STXBP5L: variants seen among roughly 807,000 people sequenced by gnomAD.
The protein encoded by STXBP5L is syntaxin-binding protein 5-like.
A neutral mutation model predicts 144.5 loss-of-function variants in STXBP5L; 65 were observed. That is an observed-to-expected ratio of 0.45 (90% CI 0.37 to 0.55). STXBP5L has a LOEUF of 0.55. Among genes scored for constraint, STXBP5L ranks in the 20% least tolerant of loss-of-function variants. The probability of loss-of-function intolerance (pLI) is 0.00; values close to 1 mark genes in which losing one functional copy is unlikely to be tolerated. For synonymous variants in STXBP5L, 505 were observed against 469.6 expected (o/e 1.08, Z -0.97); for missense variants, 1,298 against 1,405.5 (o/e 0.92, Z 1.22).
rs1457768072 is a variant in STXBP5L, at chr3:121,418,578, C to G, written c.3447+21C>G. ...ATGAGGTAAACTGCCTAAGTAAATA[C>G]AGACATCTTCATACAGGAGTAACTT... is the stretch of plus-strand genomic sequence containing the variant. On this transcript the variant is annotated intron_variant, in intron 26 of 26. Coordinates refer to ENST00000471454, the MANE Select transcript of STXBP5L (RefSeq NM_001308330.2). The G allele has an allele frequency of 3.7e-6, 6 of 1,608,630 alleles. No homozygotes were observed. The African/African-American group carries it at 6.7e-5, about 18-fold the overall frequency.
intron 3 of STXBP5L, among the ~76,000 whole-genome samples, chr3:120,963,968 C>T (rs1478291882): frequency 1.3e-5 from 2 of 152,094 alleles, no homozygotes; most frequent in African/African-American, 4.8e-5. Context: ...TTGGTCTATT[C>T]AGAGATTCGA....
chr3:121,233,707 G>T lies in STXBP5L; in HGVS notation c.1184+19G>T. On this transcript the variant is annotated intron_variant, in intron 12 of 26. Transcript: ENST00000471454. ...AAAGCAAGTAAGTTATCCATGTACA[G>T]ATTAACACTTTTAAACTCTATTTAT... 1 of 1,565,050 alleles carries T rather than the reference G, an allele frequency of 6.4e-7. No individual in the cohort carries two copies. Among genetic ancestry groups the T allele is most frequent in the Middle Eastern group, 1.7e-4 (1 of 5,902 alleles).
intron 3 of STXBP5L, 61 bp downstream of exon 3, chr3:120,955,098 T>G: frequency 8.4e-7 from 1 of 1,191,666 alleles, no homozygotes; most frequent in African/African-American, 1.5e-5. Flanking sequence ...TCTTTAAATA[T>G]TCAGGTAAGA....
intron 19 of STXBP5L, among the ~76,000 whole-genome samples, chr3:121,316,960 G>A (rs529032660): frequency 2.0e-5 from 3 of 152,244 alleles, no homozygotes; most frequent in African/African-American, 7.2e-5. Flanking sequence ...GTTCAAGTCA[G>A]TACACTTTCA....
At chr3:121,338,006 A>G (rs2044567439) in intron 20 of STXBP5L, among the ~76,000 whole-genome samples, 1 of 152,160 alleles carries the variant, frequency 6.6e-6, no homozygotes, top group African/African-American at 2.4e-5. Context: ...TTTAAAGTGA[A>G]TGATAATAGT....
intron 9 of STXBP5L, among the ~76,000 whole-genome samples, chr3:121,183,739 A>AGGT (rs1382122886): frequency 6.6e-6 from 1 of 152,100 alleles, no homozygotes; most frequent in African/African-American, 2.4e-5. Flanking sequence ...CTCCTCAAGT[A>AGGT]GGTCCCTGAC....
At chr3:121,095,447 A>T (rs906943066) in intron 5 of STXBP5L, among the ~76,000 whole-genome samples, 1 of 152,084 alleles carries the variant, frequency 6.6e-6, no homozygotes, top group Non-Finnish European at 1.5e-5. Flanking sequence ...TTTGATCTTT[A>T]AACATAGTCC....
At chr3:120,960,469 T>C (rs1042381279) in intron 3 of STXBP5L, among the ~76,000 whole-genome samples, 1 of 152,212 alleles carries the variant, frequency 6.6e-6, no homozygotes, top group Non-Finnish European at 1.5e-5. Flanking sequence ...CGTATGTTTA[T>C]TGTGGCACTA....
chr3:121,171,385 G>C (rs1221866427), intron 9 of STXBP5L, among the ~76,000 whole-genome samples: 2 of 152,068 alleles, frequency 1.3e-5, no homozygotes, highest in Admixed American at 6.6e-5. Flanking sequence ...AGAAATAAAG[G>C]GTATTCAAAT....
chr3:121,171,680 C>T (rs540251745), intron 9 of STXBP5L, among the ~76,000 whole-genome samples: 1 of 152,170 alleles, frequency 6.6e-6, no homozygotes, highest in African/African-American at 2.4e-5. Context: ...CTACAAACCA[C>T]TGCTCAAGGA....
chr3:121,350,877 T>A (rs2045252558), intron 20 of STXBP5L, among the ~76,000 whole-genome samples: 1 of 152,054 alleles, frequency 6.6e-6, no homozygotes, highest in South Asian at 2.1e-4. Flanking sequence ...TTTTTCAAGG[T>A]TTTTAACTTC....
intron 20 of STXBP5L, among the ~76,000 whole-genome samples, chr3:121,342,715 A>G (rs1028168697): frequency 8.0e-5 from 12 of 149,992 alleles, no homozygotes; most frequent in African/African-American, 2.7e-4. Context: ...CATGTTGTAT[A>G]TGTGCCACAT....
At chr3:121,363,331 G>A (rs1031400810) in intron 20 of STXBP5L, among the ~76,000 whole-genome samples, 1 of 152,256 alleles carries the variant, frequency 6.6e-6, no homozygotes, top group East Asian at 1.9e-4. Flanking sequence ...TCACCTAAGA[G>A]TTGTAGTCCT....
chr3:120,919,550 T>G (rs1709264123), intron 2 of STXBP5L, among the ~76,000 whole-genome samples: 1 of 151,994 alleles, frequency 6.6e-6, no homozygotes, highest in African/African-American at 2.4e-5. Context: ...TATGGTAGTT[T>G]ATTGTTGGCT....
At chr3:120,938,442 A>G (rs906950556) in intron 2 of STXBP5L, among the ~76,000 whole-genome samples, 2 of 152,216 alleles carry the variant, frequency 1.3e-5, no homozygotes, top group East Asian at 3.8e-4. Flanking sequence ...GAGCAACTTC[A>G]CAGCTAGAAA....
chr3:121,095,906 TC>T (rs1447222938), intron 5 of STXBP5L, among the ~76,000 whole-genome samples: 1 of 152,146 alleles, frequency 6.6e-6, no homozygotes, highest in African/African-American at 2.4e-5. Flanking sequence ...TTTTTCCCCA[TC>T]TTTGTGATTT....
chr3:121,030,059 A>G (rs554228116), intron 3 of STXBP5L, among the ~76,000 whole-genome samples: 2 of 152,312 alleles, frequency 1.3e-5, no homozygotes, highest in South Asian at 4.1e-4. Flanking sequence ...GAGAAATAGG[A>G]ACACTTTTAC....
intron 3 of STXBP5L, among the ~76,000 whole-genome samples, chr3:121,009,109 C>T (rs1944578371): frequency 1.3e-5 from 2 of 151,930 alleles, no homozygotes; most frequent in Non-Finnish European, 2.9e-5. Context: ...GCCACCTGGT[C>T]ACTCTGTTCC....
chr3:121,007,176 A>G (rs918426201), intron 3 of STXBP5L, among the ~76,000 whole-genome samples: 1 of 152,082 alleles, frequency 6.6e-6, no homozygotes, highest in Non-Finnish European at 1.5e-5. Context: ...TTCTACTTGT[A>G]TGTTAAACTA....
Sources: allele counts gnomAD v4.1 joint callset (sites outside exome capture counted in the v4.1 genomes callset), GRCh38; gene constraint gnomAD v4.1.1; transcripts MANE v1.5; gene names NCBI Gene and HGNC (gene_info 2026-07-23, HGNC 2026-07-21).